MYO9A: variants seen among roughly 807,000 people sequenced by gnomAD.
MYO9A encodes the protein myosin IXA, also known as unconventional myosin-IXa.
In MYO9A, 103 loss-of-function variants were observed where a neutral mutation model predicts 293.3. The observed-to-expected ratio is 0.35, with a 90% CI of 0.30 to 0.41. The LOEUF is 0.41. MYO9A is among the 10% of genes least tolerant of loss of function. The pLI, the probability that MYO9A is intolerant of heterozygous loss-of-function variation, is 1.00. For synonymous variants in MYO9A, 1,001 were observed against 1,035.7 expected, an observed-to-expected ratio of 0.97 and a Z score of 0.64; for missense variants, 2,685 against 3,033.0, an observed-to-expected ratio of 0.89 and a Z score of 2.69.
At chr15:72,071,999 G>A (rs1463237698) in intron 1 of MYO9A, among the ~76,000 whole-genome samples, 1 of 150,036 alleles carries the variant, frequency 6.7e-6, no homozygotes, top group South Asian at 2.1e-4. Flanking sequence ...GAGCTCAGGA[G>A]GCAGAGAGGT....
chr15:71,865,433 GA>G (rs1423825360), intron 32 of MYO9A, among the ~76,000 whole-genome samples: 1 of 152,084 alleles, frequency 6.6e-6, no homozygotes, highest in African/African-American at 2.4e-5. Flanking sequence ...ACAGATATAT[GA>G]AATGTTATAT....
intron 12 of MYO9A, among the ~76,000 whole-genome samples, chr15:71,975,432 T>TGTGTGTGTGTGTGTGTGTGTGTGTGTA (rs1284293066): frequency 6.6e-6 from 1 of 150,566 alleles, no homozygotes; most frequent in African/African-American, 2.5e-5. Context: ...TGTGTGTAGG[T>TGTGTGTGTGTGTGTGTGTGTGTGTGTA]TTTCGTCCAT....
Position 71,897,650 on chromosome 15 carries a change from T to C in MYO9A, c.4853A>G (p.Lys1618Arg), listed in dbSNP as rs2057368034. The C allele has an allele frequency of 1.2e-6, 2 of 1,614,134 alleles. No individual in the cohort carries two copies. Among genetic ancestry groups the C allele is most frequent in the Non-Finnish European group, 1.7e-6 (2 of 1,179,980 alleles). The part of the protein sequence containing the change: ...KGSPCQSSTV[K>R]ELSKTDRMGT... ...CATTCTGTCTGTCTTGGATAATTCCTTGACAGTACTAGATTGGCATGGACT... is the reference window on the plus strand; with the variant it reads ...CATTCTGTCTGTCTTGGATAATTCCCTGACAGTACTAGATTGGCATGGACT... The change falls in exon 25 of 42, where the codon AAG (lysine) becomes AGG (arginine). Residue 1618 changes from lysine to arginine, a missense_variant. By Grantham distance (26) the Lys-to-Arg change is conservative. This residue lies in a region of MYO9A where 1,434 missense variants were observed against 1,497.7 expected (regional missense o/e 0.96). Transcript: ENST00000356056.
intron 1 of MYO9A, among the ~76,000 whole-genome samples, chr15:72,098,808 T>G (rs2080153535): frequency 6.6e-6 from 1 of 151,548 alleles, no homozygotes. Context: ...CACACCCCCA[T>G]CTCAAAAACA....
rs760235265 is a variant in MYO9A at position 71,897,587 on chromosome 15, T to G, written c.4916A>C (p.Asn1639Thr). The change falls in exon 25 of 42, where the codon AAT becomes ACT. Residue 1639 changes from asparagine (N) to threonine (T), a missense_variant. This residue lies in a region of MYO9A where 1,434 missense variants were observed against 1,497.7 expected (regional missense o/e 0.96). Coordinates refer to ENST00000356056, the MANE Select transcript of MYO9A (RefSeq NM_006901.4). ...QLNVACKLSN[N>T]RISKREHFRP... ...AAAGTGTTCTCTTTTTGAAATGCGA[T>G]TATTTGAGAGTTTACAGGCTACATT... The G allele has an allele frequency of 1.4e-5, 23 of 1,614,022 alleles. No homozygotes were observed. In the African/African-American group the frequency reaches 2.9e-4, roughly 21 times the overall value.
At chr15:71,973,451 T>A (rs2076062511) in intron 12 of MYO9A, among the ~76,000 whole-genome samples, 1 of 152,204 alleles carries the variant, frequency 6.6e-6, no homozygotes, top group South Asian at 2.1e-4. Flanking sequence ...GTGGAAAACA[T>A]GTTTGGGTTG....
intron 22 of MYO9A, among the ~76,000 whole-genome samples, chr15:71,902,569 G>A (rs997429309): frequency 1.3e-5 from 2 of 151,998 alleles, no homozygotes; most frequent in African/African-American, 4.8e-5. Context: ...TAAAGTGAAC[G>A]GTATGCCAAA....
chr15:72,065,118 C>A (rs890540186), intron 1 of MYO9A, among the ~76,000 whole-genome samples: 1 of 152,182 alleles, frequency 6.6e-6, no homozygotes, highest in African/African-American at 2.4e-5. Flanking sequence ...GCTGCACCAA[C>A]TGGATTGTCT....
Position 71,882,508 on chromosome 15 carries a change from T to C in MYO9A, c.5398+1086A>G, listed in dbSNP as rs536067696. 7.2e-5 allele frequency among the ~76,000 whole-genome samples: 11 copies of C among 152,284 alleles called. No individual in the cohort carries two copies. In the South Asian group the frequency reaches 2.3e-3, roughly 32 times the overall value. On this transcript the variant is annotated intron_variant, in intron 28 of 41. Coordinates refer to ENST00000356056, the MANE Select transcript of MYO9A (RefSeq NM_006901.4). ...CTATGGGACTGGGCATGGTGGCTCA[T>C]GGCTGTAATCCCAGCACTTTGGGAG...
intron 13 of MYO9A, chr15:71,960,356 A>C: frequency 2.7e-6 from 1 of 364,230 alleles, no homozygotes; most frequent in Admixed American, 5.7e-5. Flanking sequence ...AAAGTGTGGC[A>C]CTCCTACTTC....
rs1367756308 is a variant in MYO9A, at chr15:71,898,059, ACT to A, written c.4442_4443del (p.Glu1481ValfsTer3). 1 of 1,613,876 alleles carries A rather than the reference ACT, an allele frequency of 6.2e-7. No homozygotes were observed. The highest frequency in any genetic ancestry group is 8.5e-7 in the Non-Finnish European group (1 of 1,180,016). ...AACTTCTTAAGCACAGGATTAGAAG[ACT>A]CTGTATTCAAAGAAGGAACAATCTG... ...KDQIVPSLNT[E>X]SSNPVLKKLE... On this transcript the variant is annotated frameshift_variant, in exon 25 of 42. Transcript: ENST00000356056. LOFTEE classifies it high-confidence loss of function.
At chr15:71,828,149 C>A in intron 40 of MYO9A, 123 bp from the exon 41 acceptor site, 1 of 1,113,208 alleles carries the variant, frequency 9.0e-7, no homozygotes, top group East Asian at 2.4e-5. Flanking sequence ...TTTACTGTCC[C>A]CATCCAGGTG....
At chr15:72,075,739 A>G (rs1300570861) in intron 1 of MYO9A, among the ~76,000 whole-genome samples, 4 of 152,148 alleles carry the variant, frequency 2.6e-5, no homozygotes, top group African/African-American at 9.6e-5. Context: ...AGCCTGGGCA[A>G]CATAGCAAGA....
intron 18 of MYO9A, among the ~76,000 whole-genome samples, chr15:71,926,917 C>T (rs117311833): frequency 0.017 from 2,634 of 151,494 alleles, 35 homozygotes; most frequent in Non-Finnish European, 0.026. Context: ...AAGGCACACA[C>T]AAAATGCACC....
rs893169747 is a variant in MYO9A at position 72,008,733 on chromosome 15, T to C, written c.1254-781A>G. Among the ~76,000 whole-genome samples, 8 of 152,274 alleles carry C rather than the reference T, an allele frequency of 5.3e-5. No individual in the cohort carries two copies. The East Asian group carries it at 1.2e-3, about 22-fold the overall frequency. On this transcript the variant is annotated intron_variant, in intron 7 of 41. Transcript: ENST00000356056. ...TAGCTAAGAACAGTATATTATGTTA[T>C]TGACTTATCTGACATCTCAGAGGCA...
At position 72,075,122 on chromosome 15, in the gene MYO9A, G is replaced by A. The variant is rs762070031; in HGVS notation, c.-71-28488C>T. On this transcript the variant is annotated intron_variant, in intron 1 of 41. Transcript: ENST00000356056. ...TGGGATTATAGGTATGCGCCACCACGCCCAGCTAATTTTGTATTTTTTTAG... is the reference window on the plus strand; with the variant it reads ...TGGGATTATAGGTATGCGCCACCACACCCAGCTAATTTTGTATTTTTTTAG... 6.6e-5 allele frequency among the ~76,000 whole-genome samples: 10 copies of A among 151,694 alleles called. No homozygotes were observed. The South Asian group carries it at 1.2e-3, about 19-fold the overall frequency.
chr15:71,883,386 T>C (rs1338865761), intron 28 of MYO9A, among the ~76,000 whole-genome samples: 1 of 152,216 alleles, frequency 6.6e-6, no homozygotes, highest in Non-Finnish European at 1.5e-5. Context: ...GCTGCTTCAT[T>C]GTTTTGTGAT....
chr15:71,832,135 G>A (rs189925323), intron 39 of MYO9A, among the ~76,000 whole-genome samples: 66 of 152,236 alleles, frequency 4.3e-4, no homozygotes, highest in Middle Eastern at 3.4e-3. Flanking sequence ...AAATTAGCTC[G>A]GTGTGGTGGC....
At chr15:71,985,363 TGTC>T (rs2076384602) in intron 11 of MYO9A, among the ~76,000 whole-genome samples, 1 of 152,230 alleles carries the variant, frequency 6.6e-6, no homozygotes, top group Non-Finnish European at 1.5e-5. Context: ...AGTTGGATGA[TGTC>T]TTCTTCTGGT....
Sources: gnomAD v4.1 joint callset for allele counts (sites outside exome capture counted in the v4.1 genomes callset) on GRCh38, gnomAD v4.1.1 for gene constraint, gnomAD v4.1.1 regional missense constraint, MANE v1.5 for transcripts, NCBI Gene and HGNC (gene_info 2026-07-23, HGNC 2026-07-21) for gene names.